The following CNTN1 variants were observed in gnomAD, a reference collection of about 807,000 sequenced individuals.
CNTN1 encodes the protein contactin-1.
In CNTN1, 38 loss-of-function variants were observed where a neutral mutation model predicts 126.4. The ratio of observed to expected loss-of-function variants is 0.30; its 90% CI spans 0.23 to 0.39. CNTN1 has a LOEUF of 0.39. Among genes scored for constraint, CNTN1 ranks in the 10% least tolerant of loss-of-function variants. The pLI is 1.00. For synonymous variants in CNTN1, 413 were observed against 422.6 expected (o/e 0.98, Z 0.28); for missense variants, 1,009 against 1,248.4 (o/e 0.81, Z 2.89).
At chr12:40,697,801 G>A (rs1427951796) in intron 1 of CNTN1, among the ~76,000 whole-genome samples, 1 of 152,150 alleles carries the variant, frequency 6.6e-6, no homozygotes. Context: ...CTCCCATGAA[G>A]TGAATAGTAC....
chr12:40,856,056 A>T (rs1445510875), intron 1 of CNTN1, among the ~76,000 whole-genome samples: 3 of 152,088 alleles, frequency 2.0e-5, no homozygotes, highest in Non-Finnish European at 4.4e-5. Flanking sequence ...GGTGAGAAGT[A>T]TGTCTTTCTT....
chr12:40,695,076 T>A (rs1941417734), intron 1 of CNTN1, among the ~76,000 whole-genome samples: 1 of 152,226 alleles, frequency 6.6e-6, no homozygotes, highest in Admixed American at 6.5e-5. Flanking sequence ...CTTATTTTGT[T>A]GCTTAATCCT....
intron 9 of CNTN1, among the ~76,000 whole-genome samples, chr12:40,935,517 A>G (rs1946050649): frequency 6.6e-6 from 1 of 152,126 alleles, no homozygotes; most frequent in South Asian, 2.1e-4. Context: ...AGGTTACATA[A>G]TTAAGCCATA....
intron 1 of CNTN1, among the ~76,000 whole-genome samples, chr12:40,863,618 C>A (rs1943187463): frequency 6.6e-6 from 1 of 152,110 alleles, no homozygotes; most frequent in Admixed American, 6.6e-5. Flanking sequence ...AGGAGGTGAG[C>A]AGCAGATGTG....
chr12:41,071,459 A>C lies in CNTN1; in HGVS notation c.*1424A>C, dbSNP rs931073212. On this transcript the variant is annotated 3_prime_UTR_variant, in exon 24 of 24. Transcript: ENST00000551295. ...TAGCACAAACTTGCTAGCTAATTAG[A>C]GTTTATCTTTTTAGAAAGGACACCG... 6.6e-6 allele frequency: 1 copy of C among 152,190 alleles called. No individual in the cohort carries two copies. Among genetic ancestry groups the C allele is most frequent in the Non-Finnish European group, 1.5e-5 (1 of 68,020 alleles). 9.4% of individuals were successfully genotyped at this position (152,190 alleles called of 1,614,324 possible).
intron 1 of CNTN1, among the ~76,000 whole-genome samples, chr12:40,699,448 T>C (rs1279137552): frequency 6.6e-6 from 1 of 152,138 alleles, no homozygotes; most frequent in Admixed American, 6.5e-5. Context: ...AATTTTGTAA[T>C]GAAAAGCATG....
intron 1 of CNTN1, among the ~76,000 whole-genome samples, chr12:40,907,284 G>T (rs199832904): frequency 6.6e-6 from 1 of 152,172 alleles, no homozygotes; most frequent in East Asian, 1.9e-4. Context: ...CAGTGAAAAT[G>T]ATTAACACTT....
chr12:40,887,588 T>C (rs1012989271), intron 1 of CNTN1, among the ~76,000 whole-genome samples: 1 of 152,052 alleles, frequency 6.6e-6, no homozygotes, highest in African/African-American at 2.4e-5. Flanking sequence ...AGTTCAACCC[T>C]TGTGGAAGTC....
chr12:40,709,020 T>C (rs906973501), intron 1 of CNTN1, among the ~76,000 whole-genome samples: 53 of 152,238 alleles, frequency 3.5e-4, no homozygotes, highest in African/African-American at 1.3e-3. Flanking sequence ...TCTAAAATAG[T>C]AAATTCTTTT....
intron 1 of CNTN1, among the ~76,000 whole-genome samples, chr12:40,733,043 C>A (rs1308235161): frequency 3.3e-5 from 5 of 151,978 alleles, no homozygotes; most frequent in Admixed American, 3.3e-4. Context: ...GAAGCTTCTG[C>A]ATTCTGTTTA....
intron 1 of CNTN1, among the ~76,000 whole-genome samples, chr12:40,863,952 C>T (rs1592174427): frequency 6.8e-6 from 1 of 146,898 alleles, no homozygotes; most frequent in Non-Finnish European, 1.5e-5. Context: ...CCCTCCCTCC[C>T]TCTCTTCTCC....
intron 1 of CNTN1, among the ~76,000 whole-genome samples, chr12:40,887,558 T>G (rs1204854962): frequency 6.6e-6 from 1 of 152,056 alleles, no homozygotes; most frequent in Non-Finnish European, 1.5e-5. Context: ...ACTTTTACAC[T>G]GTTGGTGGGA....
intron 1 of CNTN1, among the ~76,000 whole-genome samples, chr12:40,846,351 C>G (rs1354696880): frequency 2.6e-5 from 4 of 152,126 alleles, no homozygotes; most frequent in African/African-American, 4.8e-5. Flanking sequence ...GCCTGCAGTC[C>G]CAGCTATTCG....
chr12:40,885,531 C>T (rs775329909), intron 1 of CNTN1, among the ~76,000 whole-genome samples: 2 of 151,954 alleles, frequency 1.3e-5, no homozygotes, highest in Non-Finnish European at 2.9e-5. Flanking sequence ...GTGACCTTAG[C>T]TACTTCACAT....
At chr12:40,766,078 C>G (rs1404482214) in intron 1 of CNTN1, among the ~76,000 whole-genome samples, 1 of 152,158 alleles carries the variant, frequency 6.6e-6, no homozygotes, top group Non-Finnish European at 1.5e-5. Flanking sequence ...GCATTCCAGG[C>G]TGGGCACGGT....
intron 1 of CNTN1, among the ~76,000 whole-genome samples, 151 bp downstream of exon 1, chr12:40,692,743 T>C (rs1941332392): frequency 6.6e-6 from 1 of 152,212 alleles, no homozygotes; most frequent in Non-Finnish European, 1.5e-5. Flanking sequence ...CGGGAAGGAC[T>C]GGGGCGGAGG....
chr12:40,939,687 A>G (rs945954570), intron 12 of CNTN1, among the ~76,000 whole-genome samples: 1 of 152,138 alleles, frequency 6.6e-6, no homozygotes, highest in Non-Finnish European at 1.5e-5. Flanking sequence ...ACAGGACTCT[A>G]TAATGTATAA....
In CNTN1 at chr12:40,959,079, G is replaced by A. The variant is rs892266393; in HGVS notation, c.1684-35G>A. On this transcript the variant is annotated intron_variant, in intron 14 of 23. Coordinates refer to ENST00000551295, the MANE Select transcript of CNTN1 (RefSeq NM_001843.4). ...AAATGCCACATAATTGGTGAAAAAT[G>A]TACTGATTTGAATAATTGCTGTTTT... 5 of 1,610,840 alleles carry A rather than the reference G, an allele frequency of 3.1e-6. No homozygotes were observed. The African/African-American group carries it at 6.7e-5, about 22-fold the overall frequency.
At chr12:40,836,031 T>C (rs968587600) in intron 1 of CNTN1, among the ~76,000 whole-genome samples, 1 of 150,882 alleles carries the variant, frequency 6.6e-6, no homozygotes, top group African/African-American at 2.4e-5. Context: ...CATATATATA[T>C]ACACATGTAT....
Sources: gnomAD v4.1 joint callset for allele counts (sites outside exome capture counted in the v4.1 genomes callset) on GRCh38, gnomAD v4.1.1 for gene constraint, MANE v1.5 for transcripts, NCBI Gene and HGNC (gene_info 2026-07-23, HGNC 2026-07-21) for gene names.